The following LRGUK variants were observed in gnomAD, a reference collection of about 807,000 sequenced individuals.
LRGUK encodes leucine rich repeats and guanylate kinase domain containing.
Under a neutral mutation model 76.0 loss-of-function variants are expected in LRGUK, and 65 were observed. That is an observed-to-expected ratio of 0.85 (90% confidence interval 0.70 to 1.05). The LOEUF (loss-of-function observed/expected upper bound fraction) is 1.05, where lower values mean the gene tolerates loss of function less well. Ranked by LOEUF, LRGUK falls within the 50% of genes least tolerant of loss-of-function variation. The pLI is 0.00. For synonymous variants in LRGUK, 268 were observed against 265.6 expected, an observed-to-expected ratio of 1.01 and a Z score of -0.09; for missense variants, 758 against 732.8, an observed-to-expected ratio of 1.03 and a Z score of -0.40.
chr7:134,224,908 C>T (rs1801695313), intron 16 of LRGUK, among the ~76,000 whole-genome samples: 1 of 151,700 alleles, frequency 6.6e-6, no homozygotes, highest in South Asian at 2.1e-4. Flanking sequence ...AAACATTAGT[C>T]GGGTGTAGTG....
intron 4 of LRGUK, among the ~76,000 whole-genome samples, chr7:134,146,562 T>C (rs1797977895): frequency 6.6e-6 from 1 of 152,222 alleles, no homozygotes; most frequent in Admixed American, 6.5e-5. Context: ...ACATTTGGTG[T>C]TCTGATTTTT....
At chr7:134,217,576 T>A (rs1042276638) in intron 15 of LRGUK, among the ~76,000 whole-genome samples, 12 of 152,204 alleles carry the variant, frequency 7.9e-5, no homozygotes, top group Non-Finnish European at 8.8e-5. Flanking sequence ...GCAAAATTAT[T>A]ATTTTTCTAG....
intron 1 of LRGUK, 75 bp downstream of exon 1, chr7:134,127,739 G>A: frequency 6.7e-7 from 1 of 1,491,506 alleles, no homozygotes; most frequent in Non-Finnish European, 9.0e-7. Context: ...GCTCCCCGAT[G>A]CACCCCCACC....
At position 134,183,834 on chromosome 7, in the gene LRGUK, A is replaced by C. The variant is rs1444534837; in HGVS notation, c.1315A>C (p.Ser439Arg). ...TGCCCATCGCCTCTGCAGACAGTTT[A>C]GCACTTACTTCAGATATGGGTAAGT... The change falls in exon 11 of 16, where the codon AGC becomes CGC. Residue 439 changes from serine (S) to arginine (R), a missense_variant. Coordinates refer to ENST00000645682, the Ensembl canonical transcript of LRGUK. The C allele has an allele frequency of 7.4e-6, 12 of 1,614,002 alleles. No homozygotes were observed. The highest frequency in any genetic ancestry group is 8.5e-6 in the Non-Finnish European group (10 of 1,179,972).
intron 16 of LRGUK, among the ~76,000 whole-genome samples, chr7:134,225,645 G>C (rs1801723926): frequency 6.6e-6 from 1 of 152,180 alleles, no homozygotes; most frequent in African/African-American, 2.4e-5. Context: ...ATACTGAATT[G>C]CTCTTGTCAT....
At chr7:134,197,531 G>A (rs1198598683) in intron 13 of LRGUK, among the ~76,000 whole-genome samples, 1 of 152,180 alleles carries the variant, frequency 6.6e-6, no homozygotes, top group East Asian at 1.9e-4. Flanking sequence ...TTCTTAGAGT[G>A]TGGAACTGGT....
intron 7 of LRGUK, among the ~76,000 whole-genome samples, chr7:134,165,248 A>G (rs998312747): frequency 2.5e-4 from 38 of 152,230 alleles, no homozygotes; most frequent in African/African-American, 9.2e-4. Context: ...AATCCTTATT[A>G]TAACCCTATT....
At chr7:134,272,713 TTGTC>T in the LRGUK span, among the ~76,000 whole-genome samples, 14 of 152,326 alleles carry the variant, frequency 9.2e-5, no homozygotes, top group South Asian at 1.7e-3. Flanking sequence ...GAAAATTACT[TTGTC>T]TGAATGACAG....
At chr7:134,235,152 C>G (rs1408143053) in intron 16 of LRGUK, among the ~76,000 whole-genome samples, 1 of 152,178 alleles carries the variant, frequency 6.6e-6, no homozygotes, top group African/African-American at 2.4e-5. Context: ...AGATCATGAG[C>G]CCCCTCTGCT....
exon 19 of LRGUK, chr7:134,258,357 C>G (rs1213311846): frequency 7.4e-6 from 12 of 1,614,068 alleles, no homozygotes; most frequent in Non-Finnish European, 1.0e-5. Flanking sequence ...CATTTCTTCA[C>G]ACCTAGGATC....
chr7:134,171,610 G>T (rs1051264414), intron 7 of LRGUK, among the ~76,000 whole-genome samples: 19 of 152,080 alleles, frequency 1.2e-4, no homozygotes, highest in African/African-American at 2.4e-4. Context: ...GGGGATGGGG[G>T]TGTGGACTAT....
chr7:134,156,285 T>G (rs1314418731), intron 5 of LRGUK, among the ~76,000 whole-genome samples: 1 of 152,224 alleles, frequency 6.6e-6, no homozygotes, highest in Non-Finnish European at 1.5e-5. Context: ...AGGTTGTTTT[T>G]TTTTCTATTG....
chr7:134,208,998 T>C (rs772393209), exon 16 of LRGUK: 17 of 399,026 alleles, frequency 4.3e-5, no homozygotes, highest in Admixed American at 8.8e-5. Flanking sequence ...GCCCAGGACC[T>C]ATCCCTAAAC....
the LRGUK span, among the ~76,000 whole-genome samples, chr7:134,272,162 T>C: frequency 6.6e-6 from 1 of 152,158 alleles, no homozygotes; most frequent in Admixed American, 6.5e-5. Context: ...GATAAACTTC[T>C]TTGGAAAAAG....
At chr7:134,271,200 G>A in the LRGUK span, among the ~76,000 whole-genome samples, 2 of 151,720 alleles carry the variant, frequency 1.3e-5, no homozygotes, top group Non-Finnish European at 2.9e-5. Flanking sequence ...ATATATTCTG[G>A]TTAATAATTT....
intron 1 of LRGUK, among the ~76,000 whole-genome samples, chr7:134,136,406 A>C (rs888068778): frequency 6.6e-6 from 1 of 152,170 alleles, no homozygotes; most frequent in Non-Finnish European, 1.5e-5. Context: ...TTCTCTACCA[A>C]TCTGGCAAGA....
intron 3 of LRGUK, among the ~76,000 whole-genome samples, chr7:134,141,055 G>T (rs1321430195): frequency 4.6e-5 from 7 of 152,156 alleles, no homozygotes. Flanking sequence ...AGTGGTGGGG[G>T]CCTTGCCAAT....
chr7:134,199,124 A>C, intron 13 of LRGUK, 96 bp from the exon 14 acceptor site: 1 of 854,170 alleles, frequency 1.2e-6, no homozygotes, highest in Non-Finnish European at 1.9e-6. Flanking sequence ...ATATATTAAT[A>C]ATACTACTTC....
intron 16 of LRGUK, among the ~76,000 whole-genome samples, chr7:134,238,680 A>C (rs983846937): frequency 6.6e-6 from 1 of 151,878 alleles, no homozygotes; most frequent in Non-Finnish European, 1.5e-5. Flanking sequence ...GAATTAGTAG[A>C]TTGCAGATTT....
Sources: gnomAD v4.1 joint callset for allele counts (sites outside exome capture counted in the v4.1 genomes callset) on GRCh38, gnomAD v4.1.1 for gene constraint, MANE v1.5 for transcripts, NCBI Gene and HGNC (gene_info 2026-07-23, HGNC 2026-07-21) for gene names.